The following EBF2 variants were observed in gnomAD, a reference collection of about 807,000 sequenced individuals.
The protein encoded by EBF2 is EBF transcription factor 2.
EBF2 carries 21 observed loss-of-function variants against 72.8 expected under a neutral mutation model. That is an observed-to-expected ratio of 0.29 (90% CI 0.20 to 0.42). EBF2 has a LOEUF of 0.42. Among genes scored for constraint, EBF2 ranks in the 10% least tolerant of loss-of-function variants. EBF2 has a pLI of 1.00. For synonymous variants in EBF2, 299 were observed against 274.2 expected (o/e 1.09, Z -0.89); for missense variants, 637 against 731.2 (o/e 0.87, Z 1.49).
chr8:25,875,309 A>AT (rs1802504698), intron 10 of EBF2, among the ~76,000 whole-genome samples: 1 of 152,130 alleles, frequency 6.6e-6, no homozygotes. Flanking sequence ...TATGTATGTA[A>AT]TTTTATCTTT....
intron 6 of EBF2, among the ~76,000 whole-genome samples, chr8:26,003,341 GATT>G (rs1453551242): frequency 6.6e-6 from 1 of 152,122 alleles, no homozygotes; most frequent in Non-Finnish European, 1.5e-5. Flanking sequence ...ATTGCTACTA[GATT>G]ATTTTCTGTG....
chr8:25,909,731 G>A (rs1049250291), intron 6 of EBF2, among the ~76,000 whole-genome samples: 1 of 152,092 alleles, frequency 6.6e-6, no homozygotes. Flanking sequence ...CCAATTAAAT[G>A]TATTTATCAC....
intron 6 of EBF2, among the ~76,000 whole-genome samples, chr8:26,027,947 T>C (rs899484413): frequency 3.0e-4 from 46 of 152,272 alleles, no homozygotes; most frequent in African/African-American, 1.0e-3. Flanking sequence ...GTGGTTTCCA[T>C]GTGCTTGCGG....
chr8:25,965,405 G>C (rs1266211786), intron 6 of EBF2, among the ~76,000 whole-genome samples: 1 of 152,186 alleles, frequency 6.6e-6, no homozygotes, highest in Admixed American at 6.5e-5. Context: ...ATCTCATCTA[G>C]CTCACCAACA....
chr8:25,886,723 C>A, intron 10 of EBF2, 32 bp downstream of exon 10: 1 of 1,588,966 alleles, frequency 6.3e-7, no homozygotes, highest in South Asian at 1.2e-5. Context: ...AAACCAGAAG[C>A]CAGCCTCTCT....
intron 11 of EBF2, among the ~76,000 whole-genome samples, chr8:25,862,128 A>G (rs1273637047): frequency 6.6e-6 from 1 of 152,240 alleles, no homozygotes; most frequent in Non-Finnish European, 1.5e-5. Flanking sequence ...AAGTGCAAAT[A>G]TAAATGTGAA....
chr8:25,974,742 C>T (rs1804241886), intron 6 of EBF2, among the ~76,000 whole-genome samples: 1 of 152,126 alleles, frequency 6.6e-6, no homozygotes, highest in Admixed American at 6.5e-5. Flanking sequence ...GCCAAACTCC[C>T]CCTGCCCCCC....
rs1362114716 is a variant in EBF2 at position 26,005,559 on chromosome 8, T to TAGAGAGAGAGAGAGAG, written c.551+27525_551+27526insCTCTCTCTCTCTCTCT. ...TATATATTTTATATATATATATATATATAGAGAGAGAGAGAGAGAGGTATT... is the reference window on the plus strand; with the variant it reads ...TATATATTTTATATATATATATATATAGAGAGAGAGAGAGAGATAGAGAGAGAGAGAGAGAGGTATT... On this transcript the variant is annotated intron_variant, in intron 6 of 15. Transcript: ENST00000520164. Among the ~76,000 whole-genome samples, 438 of 55,540 alleles carry TAGAGAGAGAGAGAGAG rather than the reference T, an allele frequency of 7.9e-3. 2 individuals carry two copies. The highest frequency in any genetic ancestry group is 0.012 in the East Asian group (19 of 1,522). The allele number at this position is 55,540 out of a possible 152,430, so 36.4% of individuals were successfully genotyped here. A position where few individuals can be genotyped will look rare whatever the true frequency, so the allele number is the denominator to read the frequency against.
intron 14 of EBF2, among the ~76,000 whole-genome samples, chr8:25,851,824 A>G (rs1220982708): frequency 6.6e-6 from 1 of 152,226 alleles, no homozygotes; most frequent in Non-Finnish European, 1.5e-5. Flanking sequence ...GGCGACACTT[A>G]TGACTGACCA....
intron 6 of EBF2, among the ~76,000 whole-genome samples, chr8:25,971,398 G>A (rs770502106): frequency 9.9e-5 from 15 of 152,144 alleles, no homozygotes; most frequent in Non-Finnish European, 1.9e-4. Context: ...GTATGAAGGT[G>A]GCAGCGGGAA....
At chr8:25,988,588 G>A (rs571517139) in intron 6 of EBF2, among the ~76,000 whole-genome samples, 1 of 152,298 alleles carries the variant, frequency 6.6e-6, no homozygotes, top group East Asian at 1.9e-4. Flanking sequence ...TAACTTCCAT[G>A]TAGCTGGCAT....
intron 7 of EBF2, among the ~76,000 whole-genome samples, chr8:25,893,646 C>T (rs188630363): frequency 1.4e-4 from 22 of 152,218 alleles, no homozygotes; most frequent in East Asian, 5.8e-4. Context: ...CTGAGGATTA[C>T]GTGGAGGTAA....
intron 10 of EBF2, among the ~76,000 whole-genome samples, chr8:25,872,816 C>T (rs570477924): frequency 2.0e-5 from 3 of 152,314 alleles, no homozygotes; most frequent in South Asian, 2.1e-4. Context: ...ATACCTGCCA[C>T]GTGGCTTTGG....
chr8:25,968,166 G>A (rs1447911581), intron 6 of EBF2, among the ~76,000 whole-genome samples: 2 of 151,914 alleles, frequency 1.3e-5, no homozygotes, highest in Non-Finnish European at 2.9e-5. Context: ...TCATGATCGA[G>A]CAATTCCATT....
intron 6 of EBF2, among the ~76,000 whole-genome samples, chr8:25,930,520 C>T (rs145765969): frequency 3.9e-5 from 6 of 152,204 alleles, no homozygotes; most frequent in East Asian, 3.9e-4. Context: ...GTTGATTGAT[C>T]GACTGATTAA....
At chr8:25,998,230 TG>T (rs1227787216) in intron 6 of EBF2, among the ~76,000 whole-genome samples, 5 of 152,028 alleles carry the variant, frequency 3.3e-5, no homozygotes, top group African/African-American at 1.2e-4. Context: ...CACAGTGTCA[TG>T]AAGGAGAGAT....
intron 10 of EBF2, among the ~76,000 whole-genome samples, chr8:25,881,878 G>C (rs751046427): frequency 6.6e-6 from 1 of 152,194 alleles, no homozygotes; most frequent in African/African-American, 2.4e-5. Context: ...ACAGAATGTG[G>C]CTGGGGCAGT....
chr8:26,020,580 C>G (rs1340739160), intron 6 of EBF2, among the ~76,000 whole-genome samples: 1 of 151,942 alleles, frequency 6.6e-6, no homozygotes, highest in Admixed American at 6.6e-5. Context: ...GGATAGAAAG[C>G]AAGGGAGGCC....
intron 6 of EBF2, among the ~76,000 whole-genome samples, chr8:25,980,317 G>A (rs1804338697): frequency 6.6e-6 from 1 of 152,162 alleles, no homozygotes; most frequent in African/African-American, 2.4e-5. Flanking sequence ...CGTGTAAGGA[G>A]CTGTTGAGGC....
Sources: allele counts gnomAD v4.1 joint callset (sites outside exome capture counted in the v4.1 genomes callset), GRCh38; gene constraint gnomAD v4.1.1; transcripts MANE v1.5; gene names NCBI Gene and HGNC (gene_info 2026-07-23, HGNC 2026-07-21).